The following PDIA5 variants were observed in gnomAD, a reference collection of about 807,000 sequenced individuals.
The protein encoded by PDIA5 is protein disulfide isomerase family A member 5.
Under a neutral mutation model 77.6 loss-of-function variants are expected in PDIA5, and 58 were observed. The observed-to-expected ratio is 0.75, with a 90% CI of 0.61 to 0.93. The LOEUF is 0.93. PDIA5 is among the 40% of genes least tolerant of loss of function. PDIA5 has a pLI of 0.00. For missense variants in PDIA5, 630 were observed against 647.7 expected (o/e 0.97, Z 0.30); for synonymous variants, 250 against 252.1 (o/e 0.99, Z 0.08).
At chr3:123,081,823 C>G (rs1367170220) in intron 1 of PDIA5, among the ~76,000 whole-genome samples, 1 of 152,184 alleles carries the variant, frequency 6.6e-6, no homozygotes, top group Non-Finnish European at 1.5e-5. Flanking sequence ...AGATGAGGAG[C>G]TTTTTAAAGC....
chr3:123,158,651 G>C (rs999306324), intron 15 of PDIA5, among the ~76,000 whole-genome samples: 1 of 152,258 alleles, frequency 6.6e-6, no homozygotes, highest in African/African-American at 2.4e-5. Flanking sequence ...CTTACGTCCA[G>C]CTCCTTGAGG....
chr3:123,102,414 T>C lies in PDIA5; in HGVS notation c.261T>C (p.Asp87=). 1 of 1,613,170 alleles carries C rather than the reference T, an allele frequency of 6.2e-7. No homozygotes were observed. The highest frequency in any genetic ancestry group is 8.5e-7 in the Non-Finnish European group (1 of 1,179,078). ...TCCCAACATTTGTGTCTTCCAGTGA[T>C]GCAGAGAGTAGAAAATTGTGCAAGA... ...QGTICWVDCG[D]AESRKLCKKM... The change falls in exon 4 of 17, where the codon GAT becomes GAC. Residue 87 remains aspartate (D), a synonymous_variant. Coordinates refer to ENST00000316218, the MANE Select transcript of PDIA5 (RefSeq NM_006810.4).
intron 3 of PDIA5, among the ~76,000 whole-genome samples, chr3:123,100,298 G>A (rs1334066371): frequency 4.6e-5 from 7 of 152,236 alleles, no homozygotes; most frequent in African/African-American, 1.2e-4. Context: ...CCTGCGGGAC[G>A]GGGCACACCT....
intron 8 of PDIA5, among the ~76,000 whole-genome samples, chr3:123,117,427 G>A (rs566997677): frequency 8.3e-6 from 1 of 121,034 alleles, no homozygotes; most frequent in Admixed American, 8.6e-5. Flanking sequence ...GTCTCACTAT[G>A]TTGCCCAGGT....
chr3:123,120,290 C>A (rs551879094), intron 8 of PDIA5, among the ~76,000 whole-genome samples: 2 of 152,222 alleles, frequency 1.3e-5, no homozygotes, highest in Non-Finnish European at 2.9e-5. Flanking sequence ...GCTGGGAGAT[C>A]TTGGTCCAAG....
chr3:123,123,954 G>A (rs1342384722), intron 8 of PDIA5, 112 bp from the exon 9 acceptor site: 3 of 727,450 alleles, frequency 4.1e-6, no homozygotes, highest in Non-Finnish European at 7.4e-6. Context: ...CAGTCTGTGG[G>A]GCTTTGTCCC....
chr3:123,094,219 A>G (rs1053285481), intron 3 of PDIA5, among the ~76,000 whole-genome samples: 1 of 149,740 alleles, frequency 6.7e-6, no homozygotes, highest in Non-Finnish European at 1.5e-5. Context: ...CGCTGTGTTG[A>G]ATTTATTCCT....
rs374026325 is a variant in PDIA5 at position 123,092,359 on chromosome 3, G to A, written c.174G>A (p.Val58=). The change falls in exon 3 of 17, where the codon GTG becomes GTA. Residue 58 remains valine, a synonymous_variant. Transcript: ENST00000316218. ...TTTTTTGTTTTTTTTTTACAGAGGT[G>A]GCAGCTGAAAATCATCTCAGGTTAC... ...NVLVLYSKSE[V]AAENHLRLLS... 2.5e-5 allele frequency: 40 copies of A among 1,611,962 alleles called. No individual in the cohort carries two copies. In the African/African-American group the frequency reaches 3.3e-4, roughly 13 times the overall value.
At chr3:123,073,800 C>T (rs1933785055) in intron 1 of PDIA5, among the ~76,000 whole-genome samples, 2 of 152,250 alleles carry the variant, frequency 1.3e-5, no homozygotes, top group Admixed American at 1.3e-4. Flanking sequence ...TGCAAAGAAT[C>T]CTACAGTTCC....
chr3:123,068,254 A>G (rs1933631128), intron 1 of PDIA5, among the ~76,000 whole-genome samples: 1 of 152,116 alleles, frequency 6.6e-6, no homozygotes, highest in South Asian at 2.1e-4. Context: ...TGGGTGTGGC[A>G]AGGACACTGG....
rs150845561 is a variant in PDIA5 at position 123,161,849 on chromosome 3, T to TTC, written c.1480-16_1480-15dup. Reference sequence around the variant, plus strand: ...CAGCCAGCTCAGGGATTAAAGCTCTTTCTCTCTCTCTCTCTCCCACTTCCC... The same window carrying TTC: ...CAGCCAGCTCAGGGATTAAAGCTCTTTCTCTCTCTCTCTCTCTCCCACTTCCC... On this transcript the variant is annotated intron_variant, in intron 16 of 16. Transcript: ENST00000316218. 1,190 of 1,333,552 alleles carry TTC rather than the reference T, an allele frequency of 8.9e-4. 7 individuals are homozygous for TTC. In the African/African-American group the frequency reaches 0.011, roughly 13 times the overall value. The allele number at this position is 1,333,552 out of a possible 1,614,324, so 82.6% of individuals were successfully genotyped here.
chr3:123,159,463 C>T (rs922065309), intron 15 of PDIA5, among the ~76,000 whole-genome samples: 1 of 152,246 alleles, frequency 6.6e-6, no homozygotes, highest in Non-Finnish European at 1.5e-5. Flanking sequence ...TATGTTTAGC[C>T]TACCTGAAGG....
At chr3:123,107,668 G>T (rs535365590) in intron 6 of PDIA5, among the ~76,000 whole-genome samples, 1 of 152,352 alleles carries the variant, frequency 6.6e-6, no homozygotes, top group Admixed American at 6.5e-5. Flanking sequence ...ACTTCTCTGT[G>T]ATAGTCCAGA....
rs779912642 is a variant in PDIA5 at position 123,089,337 on chromosome 3, G to A, written c.169+43G>A. The A allele has an allele frequency of 6.9e-6, 11 of 1,604,200 alleles. No homozygotes were observed. In the African/African-American group the frequency reaches 1.2e-4, roughly 18 times the overall value. On this transcript the variant is annotated intron_variant, in intron 2 of 16. Transcript: ENST00000316218. ...GCCTTGAGGTCAACCATCGGGGTAG[G>A]ATGGGATTCAGGGGAAGGAGTGGGA...
At chr3:123,071,805 G>T (rs1933729837) in intron 1 of PDIA5, among the ~76,000 whole-genome samples, 1 of 152,188 alleles carries the variant, frequency 6.6e-6, no homozygotes, top group Non-Finnish European at 1.5e-5. Context: ...TGTCCTGGCT[G>T]TAGTGTCCCC....
At chr3:123,092,325 G>A in intron 2 of PDIA5, 30 bp from the exon 3 acceptor site, 6 of 1,581,506 alleles carry the variant, frequency 3.8e-6, no homozygotes, top group Non-Finnish European at 5.2e-6. Context: ...CTTGGTCACA[G>A]ATGTTTAATT....
intron 5 of PDIA5, among the ~76,000 whole-genome samples, 161 bp from the exon 6 acceptor site, chr3:123,106,588 C>T (rs766991407): frequency 2.0e-5 from 3 of 152,228 alleles, no homozygotes; most frequent in African/African-American, 4.8e-5. Context: ...CAGTGGACAG[C>T]GGAAATAACA....
chr3:123,073,258 G>A (rs984588696), intron 1 of PDIA5, among the ~76,000 whole-genome samples: 1 of 152,240 alleles, frequency 6.6e-6, no homozygotes, highest in African/African-American at 2.4e-5. Context: ...GCTGGACAGG[G>A]AGGTGGGAAG....
chr3:123,131,939 C>T (rs1935379599), intron 11 of PDIA5, among the ~76,000 whole-genome samples: 1 of 151,970 alleles, frequency 6.6e-6, no homozygotes, highest in African/African-American at 2.4e-5. Context: ...GGGCTGAAAT[C>T]GTGAGGTCAC....
Sources: allele counts gnomAD v4.1 joint callset (sites outside exome capture counted in the v4.1 genomes callset), GRCh38; gene constraint gnomAD v4.1.1; transcripts MANE v1.5; gene names NCBI Gene and HGNC (gene_info 2026-07-23, HGNC 2026-07-21).